Variants in DAOA observed in about 807,000 individuals in gnomAD.
DAOA encodes D-amino acid oxidase regulator.
A neutral mutation model predicts 16.4 loss-of-function variants in DAOA; 15 were observed. That is an observed-to-expected ratio of 0.91 (90% CI 0.61 to 1.41). DAOA has a LOEUF of 1.41. DAOA is among the 40% of genes most tolerant of loss of function. The pLI is 0.00. For synonymous variants in DAOA, 75 were observed against 59.1 expected, an observed-to-expected ratio of 1.27 and a Z score of -1.23; for missense variants, 230 against 176.8, an observed-to-expected ratio of 1.30 and a Z score of -1.71.
intron 4 of DAOA, among the ~76,000 whole-genome samples, chr13:105,483,833 T>A (rs1461766931): frequency 6.6e-6 from 1 of 152,136 alleles, no homozygotes; most frequent in Non-Finnish European, 1.5e-5. Context: ...GAGCAGAAGC[T>A]CTTTTTCATT....
At chr13:105,471,173 C>G (rs913586366) in intron 3 of DAOA, among the ~76,000 whole-genome samples, 2 of 152,196 alleles carry the variant, frequency 1.3e-5, no homozygotes, top group African/African-American at 2.4e-5. Context: ...GATCCGCCCC[C>G]CTTGGCCTCC....
intron 4 of DAOA, among the ~76,000 whole-genome samples, chr13:105,477,394 C>T (rs1476450145): frequency 6.6e-6 from 1 of 152,128 alleles, no homozygotes; most frequent in African/African-American, 2.4e-5. Context: ...TAAAAATAAT[C>T]CTACACAAAT....
intron 4 of DAOA, among the ~76,000 whole-genome samples, chr13:105,476,573 G>A (rs1400641663): frequency 2.0e-5 from 3 of 149,884 alleles, no homozygotes; most frequent in Non-Finnish European, 3.0e-5. Flanking sequence ...TCTCCCTCTC[G>A]GTGATTTATG....
In DAOA at chr13:105,490,204, T is replaced by C. The variant is rs1878421891; in HGVS notation, c.*111+12T>C. Reference sequence around the variant, plus strand: ...GCTGATAACACGTGGTAATATGTTTTATAAAATTATATTTTTATGAATATT... The same window carrying C: ...GCTGATAACACGTGGTAATATGTTTCATAAAATTATATTTTTATGAATATT... On this transcript the variant is annotated intron_variant, in intron 5 of 5. Transcript: ENST00000375936. The C allele has an allele frequency of 7.1e-6, 8 of 1,129,472 alleles. No homozygotes were observed. The highest frequency in any genetic ancestry group is 8.9e-6 in the Non-Finnish European group (8 of 894,420). 70.0% of individuals were successfully genotyped at this position (1,129,472 alleles called of 1,614,324 possible). A position where few individuals can be genotyped will look rare whatever the true frequency, so the allele number is the denominator to read the frequency against.
intron 4 of DAOA, among the ~76,000 whole-genome samples, chr13:105,482,357 ATTT>A (rs67240766): frequency 1.4e-5 from 2 of 142,978 alleles, no homozygotes; most frequent in East Asian, 2.0e-4. Flanking sequence ...TTTAACTCTC[ATTT>A]TTTTTTTTAA....
chr13:105,490,766 AACTC>A (rs1431057186), intron 5 of DAOA, 142 bp from the exon 6 acceptor site: 2 of 152,154 alleles, frequency 1.3e-5, no homozygotes, highest in Non-Finnish European at 2.9e-5. Context: ...AAAAAATAAT[AACTC>A]AGTGTCTAGT....
At chr13:105,489,213 A>T (rs1052061406) in intron 4 of DAOA, among the ~76,000 whole-genome samples, 2 of 152,172 alleles carry the variant, frequency 1.3e-5, no homozygotes, top group African/African-American at 4.8e-5. Flanking sequence ...TGCATGTAAG[A>T]TGGATGTCAA....
chr13:105,484,249 A>G (rs1204763705), intron 4 of DAOA, among the ~76,000 whole-genome samples: 1 of 151,986 alleles, frequency 6.6e-6, no homozygotes, highest in Non-Finnish European at 1.5e-5. Context: ...CTTAATGCTA[A>G]TAACTGTCTT....
chr13:105,484,523 A>G (rs1318515460), intron 4 of DAOA, among the ~76,000 whole-genome samples: 1 of 152,122 alleles, frequency 6.6e-6, no homozygotes, highest in East Asian at 1.9e-4. Flanking sequence ...AACTGTGTGA[A>G]ACTTTCACAA....
chr13:105,476,943 T>A (rs1013162294), intron 4 of DAOA, among the ~76,000 whole-genome samples: 10 of 152,126 alleles, frequency 6.6e-5, no homozygotes, highest in South Asian at 4.1e-4. Context: ...CATAGCCCTC[T>A]GCAGCTTACA....
At position 105,472,656 on chromosome 13, in the gene DAOA, G is replaced by A. The variant is rs1167303350; in HGVS notation, c.252G>A (p.Trp84Ter). Reference sequence around the variant, plus strand: ...ATTTACAGAGATCATTATGTCCTTGGGTCTCTTACCTTCCTCAGCCCTATG... The same window carrying A: ...ATTTACAGAGATCATTATGTCCTTGAGTCTCTTACCTTCCTCAGCCCTATG... ...QRHLQRSLCP[W>*]VSYLPQPYAE... Residue 84 changes from tryptophan (W) to a stop codon, truncating the protein, a stop_gained, in exon 4 of 6, where the codon TGG becomes TGA. Transcript: ENST00000375936. LOFTEE classifies it high-confidence loss of function. 5 of 1,613,750 alleles carry A rather than the reference G, an allele frequency of 3.1e-6. No individual in the cohort carries two copies. Among genetic ancestry groups the A allele is most frequent in the Non-Finnish European group, 4.2e-6 (5 of 1,179,856 alleles).
chr13:105,485,103 G>A (rs757421815), intron 4 of DAOA, among the ~76,000 whole-genome samples: 1 of 152,058 alleles, frequency 6.6e-6, no homozygotes, highest in Non-Finnish European at 1.5e-5. Context: ...TGATGTCAAG[G>A]TTTCTTCTAT....
chr13:105,472,455 T>G, intron 3 of DAOA, 83 bp from the exon 4 acceptor site: 2 of 1,458,038 alleles, frequency 1.4e-6, no homozygotes, highest in Non-Finnish European at 1.8e-6. Flanking sequence ...CTACAATCGC[T>G]CCACAGTCAT....
chr13:105,489,973 C>A lies in DAOA; in HGVS notation c.354C>A (p.Ala118=), dbSNP rs1878403811. 1.2e-6 allele frequency: 2 copies of A among 1,613,466 alleles called. No homozygotes were observed. The highest frequency in any genetic ancestry group is 1.1e-5 in the South Asian group (1 of 91,064). Residue 118 remains alanine, a synonymous_variant, in exon 5 of 6, where the codon GCC becomes GCA. Coordinates refer to ENST00000375936, the MANE Select transcript of DAOA (RefSeq NM_172370.5). ...ARNYEFLAYE[A]SKDRRQPLER... ...ACTATGAGTTCCTTGCCTATGAGGC[C>A]TCTAAGGACCGCAGGCAGCCTCTAG... is the stretch of plus-strand genomic sequence containing the variant.
At chr13:105,478,758 C>A (rs889293030) in intron 4 of DAOA, among the ~76,000 whole-genome samples, 2 of 152,082 alleles carry the variant, frequency 1.3e-5, no homozygotes, top group African/African-American at 2.4e-5. Context: ...GTCCCATGCC[C>A]CTTCTTCTAA....
At chr13:105,482,506 G>A (rs1400053039) in intron 4 of DAOA, among the ~76,000 whole-genome samples, 47 of 134,116 alleles carry the variant, frequency 3.5e-4, no homozygotes, top group Admixed American at 5.3e-4. Flanking sequence ...CTTGGTGTAA[G>A]TTTTTTTTTT....
At chr13:105,485,729 C>T (rs1481081029) in intron 4 of DAOA, among the ~76,000 whole-genome samples, 3 of 151,966 alleles carry the variant, frequency 2.0e-5, no homozygotes, top group East Asian at 1.9e-4. Context: ...CAGACATACA[C>T]GGAGAAGAGA....
rs1391716537 is a variant in DAOA, at chr13:105,478,943, TTTG to T, written c.281+6260_281+6262del. On this transcript the variant is annotated intron_variant, in intron 4 of 5. Coordinates refer to ENST00000375936, the MANE Select transcript of DAOA (RefSeq NM_172370.5). Reference sequence around the variant, plus strand: ...TCTTGTCTACTCATTTGTGTTGCTTTTTGTCTCACAGATTGATTATCTCATCAA... The same window carrying T: ...TCTTGTCTACTCATTTGTGTTGCTTTTCTCACAGATTGATTATCTCATCAA... 3.9e-5 allele frequency among the ~76,000 whole-genome samples: 6 copies of T among 152,336 alleles called. No homozygotes were observed. The East Asian group carries it at 1.2e-3, about 29-fold the overall frequency.
At chr13:105,466,814 C>T (rs1876552316) in intron 2 of DAOA, among the ~76,000 whole-genome samples, 1 of 152,030 alleles carries the variant, frequency 6.6e-6, no homozygotes, top group Admixed American at 6.5e-5. Context: ...GGAGTGAACT[C>T]TCCTGTCAGC....
Sources: allele counts gnomAD v4.1 joint callset (sites outside exome capture counted in the v4.1 genomes callset), GRCh38; gene constraint gnomAD v4.1.1; transcripts MANE v1.5; gene names NCBI Gene and HGNC (gene_info 2026-07-23, HGNC 2026-07-21).